Variants in MAP2K6 observed in about 807,000 individuals in gnomAD.
MAP2K6 encodes dual specificity mitogen-activated protein kinase kinase 6.
In MAP2K6, 16 loss-of-function variants were observed where a neutral mutation model predicts 53.7. The observed-to-expected ratio is 0.30, with a 90% CI of 0.20 to 0.45. The LOEUF (loss-of-function observed/expected upper bound fraction) is 0.45. Among genes scored for constraint, MAP2K6 ranks in the 20% least tolerant of loss-of-function variants. The pLI, the probability that MAP2K6 is intolerant of heterozygous loss-of-function variation, is 1.00. For synonymous variants in MAP2K6, 132 were observed against 143.1 expected, an observed-to-expected ratio of 0.92 and a Z score of 0.55; for missense variants, 204 against 411.9, an observed-to-expected ratio of 0.50 and a Z score of 4.37.
intron 1 of MAP2K6, among the ~76,000 whole-genome samples, chr17:69,431,827 A>G (rs780801459): frequency 6.6e-6 from 1 of 152,194 alleles, no homozygotes; most frequent in Admixed American, 6.5e-5. Flanking sequence ...TCTTGCATCT[A>G]TATGATGTGT....
intron 8 of MAP2K6, 51 bp from the exon 9 acceptor site, chr17:69,524,850 A>G (rs1910681831): frequency 2.2e-6 from 3 of 1,371,516 alleles, no homozygotes; most frequent in African/African-American, 1.4e-5. Context: ...TGAGCTAAGA[A>G]CGTTATCTCA....
At chr17:69,523,458 A>G in intron 7 of MAP2K6, 56 bp from the exon 8 acceptor site, 1 of 1,604,310 alleles carries the variant, frequency 6.2e-7, no homozygotes, top group Admixed American at 1.7e-5. Flanking sequence ...GGTGGCAGAG[A>G]AATGAACCTT....
chr17:69,498,286 G>GACAAACAA (rs10610312), intron 1 of MAP2K6, among the ~76,000 whole-genome samples: 95 of 151,582 alleles, frequency 6.3e-4, no homozygotes, highest in African/African-American at 2.3e-3. Context: ...GGTAAAACAA[G>GACAAACAA]ACAAACAAAC....
At chr17:69,515,456 C>T (rs1910093856) in intron 2 of MAP2K6, among the ~76,000 whole-genome samples, 1 of 152,218 alleles carries the variant, frequency 6.6e-6, no homozygotes, top group Non-Finnish European at 1.5e-5. Context: ...CGTGCCCGGC[C>T]AGCATTTGCT....
rs1912032722 is a variant in MAP2K6 at position 69,550,074 on chromosome 17, T to C, written c.*8321T>C. The C allele has an allele frequency of 6.6e-6, 1 of 152,198 alleles. No individual in the cohort carries two copies. Among genetic ancestry groups the C allele is most frequent in the African/African-American group, 2.4e-5 (1 of 41,462 alleles). The allele number at this position is 152,198 out of a possible 1,614,324, so 9.4% of individuals were successfully genotyped here. Reference sequence around the variant, plus strand: ...AACCCATCAAAAAGCCAAACCTTTATTGTTATTTTTCCTTAAAAATACTGA... The same window carrying C: ...AACCCATCAAAAAGCCAAACCTTTACTGTTATTTTTCCTTAAAAATACTGA... On this transcript the variant is annotated 3_prime_UTR_variant, in exon 12 of 12. Coordinates refer to ENST00000590474, the MANE Select transcript of MAP2K6 (RefSeq NM_002758.4).
chr17:69,516,188 T>C (rs899315641), intron 2 of MAP2K6, among the ~76,000 whole-genome samples: 1 of 151,930 alleles, frequency 6.6e-6, no homozygotes, highest in Non-Finnish European at 1.5e-5. Flanking sequence ...GTAGAATCAA[T>C]GGGAGCCTTG....
intron 1 of MAP2K6, among the ~76,000 whole-genome samples, chr17:69,441,294 T>A (rs1430083337): frequency 2.0e-5 from 3 of 152,256 alleles, no homozygotes; most frequent in Non-Finnish European, 4.4e-5. Flanking sequence ...TATAGTTTCA[T>A]ATGTCCCTGA....
chr17:69,427,215 A>G (rs971560174), intron 1 of MAP2K6, among the ~76,000 whole-genome samples: 1 of 152,226 alleles, frequency 6.6e-6, no homozygotes, highest in Non-Finnish European at 1.5e-5. Context: ...ATCTGAAATC[A>G]GTGTAAGAGA....
chr17:69,439,697 C>A (rs1478047465), intron 1 of MAP2K6, among the ~76,000 whole-genome samples: 1 of 152,178 alleles, frequency 6.6e-6, no homozygotes, highest in African/African-American at 2.4e-5. Context: ...CACACTCCAC[C>A]CTGTTCTTCT....
At chr17:69,421,773 G>A (rs929177644) in intron 1 of MAP2K6, among the ~76,000 whole-genome samples, 3 of 151,920 alleles carry the variant, frequency 2.0e-5, no homozygotes, top group Non-Finnish European at 2.9e-5. Context: ...TCGATCTCCT[G>A]ACCTCGTGAT....
At chr17:69,529,466 A>AT (rs1910961469) in intron 10 of MAP2K6, among the ~76,000 whole-genome samples, 1 of 149,564 alleles carries the variant, frequency 6.7e-6, no homozygotes, top group Admixed American at 6.7e-5. Flanking sequence ...TTTTAGAGAT[A>AT]TTTTAAAATG....
rs1262736802 is a variant in MAP2K6 at position 69,439,745 on chromosome 17, T to C, written c.16+24745T>C. ...TTGATTTCTTCCCTTCTTTTTCTAA[T>C]CATTTCTTTTGGTATTAAGTTTGCC... is the stretch of plus-strand genomic sequence containing the variant. On this transcript the variant is annotated intron_variant, in intron 1 of 11. Transcript: ENST00000590474. Among the ~76,000 whole-genome samples, 4 of 152,226 alleles carry C rather than the reference T, an allele frequency of 2.6e-5. No individual in the cohort carries two copies. In the East Asian group the frequency reaches 7.7e-4, roughly 29 times the overall value.
chr17:69,508,360 C>A (rs543036595), intron 2 of MAP2K6, among the ~76,000 whole-genome samples: 26 of 152,168 alleles, frequency 1.7e-4, no homozygotes, highest in East Asian at 7.7e-4. Flanking sequence ...AGCCACTGTG[C>A]CCAGCCTATA....
At chr17:69,498,292 C>T (rs888380804) in intron 1 of MAP2K6, among the ~76,000 whole-genome samples, 2 of 152,014 alleles carry the variant, frequency 1.3e-5, no homozygotes, top group African/African-American at 4.8e-5. Flanking sequence ...ACAAGACAAA[C>T]AAACAAACAA....
intron 11 of MAP2K6, among the ~76,000 whole-genome samples, chr17:69,539,391 A>T (rs1474041081): frequency 6.6e-6 from 1 of 152,042 alleles, no homozygotes; most frequent in Non-Finnish European, 1.5e-5. Flanking sequence ...ATAGTCCCTC[A>T]TTTGTCAATT....
chr17:69,442,181 G>T (rs1906840558), intron 1 of MAP2K6, among the ~76,000 whole-genome samples: 1 of 152,256 alleles, frequency 6.6e-6, no homozygotes, highest in Admixed American at 6.5e-5. Flanking sequence ...TTTCCTGTTA[G>T]TTTGATTATT....
chr17:69,522,212 T>A (rs1348337711), intron 7 of MAP2K6, among the ~76,000 whole-genome samples: 2 of 152,170 alleles, frequency 1.3e-5, no homozygotes, highest in Non-Finnish European at 2.9e-5. Flanking sequence ...TAAAATGCCT[T>A]CCACAGTGTG....
At chr17:69,459,281 C>A (rs1426117851) in intron 1 of MAP2K6, among the ~76,000 whole-genome samples, 1 of 152,064 alleles carries the variant, frequency 6.6e-6, no homozygotes, top group African/African-American at 2.4e-5. Context: ...GTAGTTGATT[C>A]TAACTAGAAT....
chr17:69,502,175 C>G (rs1284572502), intron 1 of MAP2K6: 9 of 985,392 alleles, frequency 9.1e-6, no homozygotes, highest in Non-Finnish European at 1.2e-6. Flanking sequence ...CTTCCCTTCT[C>G]CCTTCCTGAA....
Sources: gnomAD v4.1 joint callset for allele counts (sites outside exome capture counted in the v4.1 genomes callset) on GRCh38, gnomAD v4.1.1 for gene constraint, MANE v1.5 for transcripts, NCBI Gene and HGNC (gene_info 2026-07-23, HGNC 2026-07-21) for gene names.